RAB17: variants seen among roughly 807,000 people sequenced by gnomAD.
RAB17 encodes the protein ras-related protein Rab-17.
RAB17 carries 15 observed loss-of-function variants against 19.3 expected under a neutral mutation model. That is an observed-to-expected ratio of 0.78 (90% CI 0.52 to 1.20). RAB17 has a LOEUF of 1.20. Ranked by LOEUF, RAB17 falls within the 50% of genes most tolerant of loss-of-function variation. The pLI is 0.00. For missense variants in RAB17, 262 were observed against 269.3 expected (o/e 0.97, Z 0.19); for synonymous variants, 110 against 112.8 (o/e 0.97, Z 0.16).
intron 4 of RAB17, 121 bp downstream of exon 4, chr2:237,577,134 CAT>C (rs2081271138): frequency 4.1e-6 from 5 of 1,205,950 alleles, no homozygotes; most frequent in Admixed American, 2.2e-5. Flanking sequence ...TGTGTGTGCA[CAT>C]GTGTAAGTGT....
chr2:237,588,317 G>A (rs756383868), intron 1 of RAB17, among the ~76,000 whole-genome samples: 3 of 152,226 alleles, frequency 2.0e-5, no homozygotes, highest in Non-Finnish European at 4.4e-5. Context: ...CTCAACAGAT[G>A]TAGACCCCTT....
chr2:237,584,108 CG>C (rs1024414510), intron 2 of RAB17, among the ~76,000 whole-genome samples: 34 of 152,020 alleles, frequency 2.2e-4, no homozygotes, highest in African/African-American at 7.5e-4. Flanking sequence ...GCCTCATTGT[CG>C]GGGCCTCCAT....
chr2:237,585,804 A>G (rs1165960482), intron 2 of RAB17, among the ~76,000 whole-genome samples, 194 bp downstream of exon 2: 3 of 152,118 alleles, frequency 2.0e-5, no homozygotes, highest in Non-Finnish European at 2.9e-5. Context: ...AGCCAAGGGC[A>G]TTTCCTGTCT....
At chr2:237,588,101 T>C (rs73999149) in intron 1 of RAB17, among the ~76,000 whole-genome samples, 39,875 of 152,054 alleles carry the variant, frequency 0.26, 6,907 homozygotes, top group African/African-American at 0.5. Context: ...TGCATGGATC[T>C]TCCAAAAAGC....
Position 237,575,071 on chromosome 2 carries a change from G to A in RAB17, c.587C>T (p.Ala196Val), listed in dbSNP as rs2081250350. Residue 196 changes from alanine to valine, a missense_variant, in exon 6 of 6, where the codon GCT (alanine) becomes GTT (valine). Ala to Val is a moderately conservative substitution (Grantham distance 64). Transcript: ENST00000264601. ...EEGQALRGDAAVALNKGPARQ... is the reference protein window; with the variant it reads ...EEGQALRGDAVVALNKGPARQ... ...CGCGGGCCCCTTGTTCAGAGCCACAGCTGCATCCCCCCGTAGAGCCTGGCC... is the reference window on the plus strand; with the variant it reads ...CGCGGGCCCCTTGTTCAGAGCCACAACTGCATCCCCCCGTAGAGCCTGGCC... 2 of 1,613,804 alleles carry A rather than the reference G, an allele frequency of 1.2e-6. No homozygotes were observed. Among genetic ancestry groups the A allele is most frequent in the Admixed American group, 1.7e-5 (1 of 60,010 alleles).
intron 2 of RAB17, chr2:237,585,558 G>A (rs1365287177): frequency 6.0e-6 from 1 of 165,956 alleles, no homozygotes; most frequent in Non-Finnish European, 1.5e-5. Context: ...AGGCAGGAAG[G>A]AAGATGCTGT....
At chr2:237,582,545 G>A (rs1378501782) in intron 2 of RAB17, among the ~76,000 whole-genome samples, 1 of 152,194 alleles carries the variant, frequency 6.6e-6, no homozygotes. Flanking sequence ...CCAAGCACTG[G>A]GCGTGCTGCC....
intron 5 of RAB17, 69 bp from the exon 6 acceptor site, chr2:237,575,197 C>T: frequency 7.6e-7 from 1 of 1,319,900 alleles, no homozygotes; most frequent in African/African-American, 1.5e-5. Context: ...CCCTGCAGAC[C>T]AGCCACCCCA....
At chr2:237,589,205 G>A (rs1430070346) in intron 1 of RAB17, among the ~76,000 whole-genome samples, 9 of 146,120 alleles carry the variant, frequency 6.2e-5, no homozygotes, top group Middle Eastern at 3.5e-3. Context: ...GGGTGACAGA[G>A]CGAGAATCTG....
chr2:237,585,954 T>G, intron 2 of RAB17, 44 bp downstream of exon 2: 2 of 1,546,084 alleles, frequency 1.3e-6, no homozygotes, highest in Non-Finnish European at 1.7e-6. Flanking sequence ...CAGCCCAGAC[T>G]TCTGCACTGA....
chr2:237,585,471 G>C (rs2081342166), intron 2 of RAB17: 1 of 168,756 alleles, frequency 5.9e-6, no homozygotes, highest in African/African-American at 2.4e-5. Flanking sequence ...GAAACACAGA[G>C]AGAAGGTCTC....
chr2:237,577,349 C>G lies in RAB17; in HGVS notation c.343G>C (p.Asp115His). The G allele has an allele frequency of 6.2e-7, 1 of 1,613,466 alleles. No individual in the cohort carries two copies. Among genetic ancestry groups the G allele is most frequent in the Non-Finnish European group, 8.5e-7 (1 of 1,179,558 alleles). Residue 115 changes from aspartate to histidine, a missense_variant, in exon 4 of 6, where the codon GAC becomes CAC. Physicochemically the swap from Asp to His is moderately conservative, Grantham distance 81 (BLOSUM62 -1). Transcript: ENST00000264601. ...CCTGGGTGCAGCTCCTCCTCCAGGT[C>G]CTTCAGCCACTGCTGAGCCTTGAGG... ...SFLKAQQWLK[D>H]LEEELHPGEV... is the part of the protein sequence containing the mutation.
chr2:237,585,080 G>A (rs1044483336), intron 2 of RAB17, among the ~76,000 whole-genome samples: 7 of 152,172 alleles, frequency 4.6e-5, no homozygotes, highest in South Asian at 2.1e-4. Context: ...AATAGCTAAC[G>A]TCATGTGCCA....
At position 237,577,817 on chromosome 2, in the gene RAB17, C is replaced by T. The variant is rs577303552; in HGVS notation, c.309+187G>A. 25 of 656,840 alleles carry T rather than the reference C, an allele frequency of 3.8e-5. No individual in the cohort carries two copies. The East Asian group carries it at 5.2e-4, about 14-fold the overall frequency. The allele number at this position is 656,840 out of a possible 1,614,324, so 40.7% of individuals were successfully genotyped here. ...GCAACGGCATGTTCTTTGTGGACCA[C>T]GGAGGAGCAGAACCCCACTGTGGAG... is the stretch of plus-strand genomic sequence containing the variant. On this transcript the variant is annotated intron_variant, in intron 3 of 5. Transcript: ENST00000264601.
intron 2 of RAB17, among the ~76,000 whole-genome samples, chr2:237,584,593 G>C (rs1048324176): frequency 6.6e-6 from 1 of 152,156 alleles, no homozygotes; most frequent in African/African-American, 2.4e-5. Context: ...AGAACAGCCA[G>C]AGAGCCACAG....
rs755545901 is a variant in RAB17, at chr2:237,586,106, G to A, written c.49C>T (p.Pro17Ser). Residue 17 changes from proline to serine, a missense_variant, in exon 2 of 6, where the codon CCC becomes TCC. Coordinates refer to ENST00000264601, the MANE Select transcript of RAB17 (RefSeq NM_022449.4). ...TPQPRAAPSQ[P>S]RVFKLVLLGS... is the part of the protein sequence containing the mutation. The stretch of plus-strand genomic sequence containing the variant: ...AGGAGAACCAGCTTGAACACACGGG[G>A]CTGGCTGGGGGCAGCCCTGGGCTGG... The A allele has an allele frequency of 1.9e-6, 3 of 1,612,524 alleles. No homozygotes were observed. Among genetic ancestry groups the A allele is most frequent in the Admixed American group, 1.7e-5 (1 of 59,866 alleles).
rs143326277 is a variant in RAB17, at chr2:237,588,254, C to T, written c.-3-2097G>A. Among the ~76,000 whole-genome samples the T allele has an allele frequency of 3.6e-3, 547 of 152,186 alleles. 6 individuals are homozygous for T. Among genetic ancestry groups the T allele is most frequent in the East Asian group, 0.023 (118 of 5,188 alleles). ...TGCGTCTTGCACATCCACAAGCCTG[C>T]GTGTTCTCTTGCCCTTTCACCTTCC... is the stretch of plus-strand genomic sequence containing the variant. On this transcript the variant is annotated intron_variant, in intron 1 of 5. Coordinates refer to ENST00000264601, the MANE Select transcript of RAB17 (RefSeq NM_022449.4).
chr2:237,581,337 A>G (rs111393002), intron 2 of RAB17, among the ~76,000 whole-genome samples: 10,511 of 151,490 alleles, frequency 0.069, 455 homozygotes, highest in South Asian at 0.12. Context: ...TCATACCACC[A>G]CACTCCAGCC....
At chr2:237,578,900 A>AACACACACACACACACAC (rs59320284) in intron 2 of RAB17, 14 of 143,128 alleles carry the variant, frequency 9.8e-5, no homozygotes, top group African/African-American at 2.3e-4. Context: ...GTACCTGCTT[A>AACACACACACACACACAC]ACACACACAC....
Sources: allele counts gnomAD v4.1 joint callset (sites outside exome capture counted in the v4.1 genomes callset), GRCh38; gene constraint gnomAD v4.1.1; transcripts MANE v1.5; gene names NCBI Gene and HGNC (gene_info 2026-07-23, HGNC 2026-07-21).